Variants in SCHIP1 observed in about 807,000 individuals in gnomAD.
SCHIP1 encodes schwannomin-interacting protein 1.
SCHIP1 carries 8 observed loss-of-function variants against 29.7 expected under a neutral mutation model. The observed-to-expected ratio is 0.27, with a 90% CI of 0.16 to 0.49. The LOEUF (loss-of-function observed/expected upper bound fraction) is 0.49, where lower values mean the gene tolerates loss of function less well. Ranked by LOEUF, SCHIP1 falls within the 20% of genes least tolerant of loss-of-function variation. The pLI is 0.99. For synonymous variants in SCHIP1, 76 were observed against 94.9 expected (o/e 0.80, Z 1.16); for missense variants, 193 against 294.6 (o/e 0.66, Z 2.52).
At chr3:159,449,337 T>C in the SCHIP1 span, among the ~76,000 whole-genome samples, 28,406 of 151,980 alleles carry the variant, frequency 0.19, 2,850 homozygotes, top group South Asian at 0.33. Flanking sequence ...TGGCAATAAA[T>C]GCAGAAGAGG....
chr3:159,589,021 G>A, the SCHIP1 span, among the ~76,000 whole-genome samples: 2 of 152,164 alleles, frequency 1.3e-5, no homozygotes, highest in Non-Finnish European at 1.5e-5. Context: ...GTAGCTTGGT[G>A]GGGATGGTAC....
chr3:159,394,798 C>T, the SCHIP1 span, among the ~76,000 whole-genome samples: 4,132 of 152,012 alleles, frequency 0.027, 75 homozygotes, highest in East Asian at 0.11. Flanking sequence ...TGTCTCTGCC[C>T]GGCTTTGGTA....
At chr3:159,515,903 AT>A in the SCHIP1 span, among the ~76,000 whole-genome samples, 1 of 152,134 alleles carries the variant, frequency 6.6e-6, no homozygotes, top group Non-Finnish European at 1.5e-5. Context: ...GCAACAGAAA[AT>A]AAATAAGATA....
chr3:159,552,901 T>C, the SCHIP1 span, among the ~76,000 whole-genome samples: 1 of 152,172 alleles, frequency 6.6e-6, no homozygotes, highest in Non-Finnish European at 1.5e-5. Context: ...CTTTCAGCCA[T>C]GCCTATAATG....
the SCHIP1 span, among the ~76,000 whole-genome samples, chr3:159,732,764 T>A: frequency 2.4e-4 from 36 of 152,110 alleles, no homozygotes; most frequent in African/African-American, 8.7e-4. Context: ...TATAACCTGG[T>A]GAACCGCAAG....
chr3:159,566,536 T>C, the SCHIP1 span, among the ~76,000 whole-genome samples: 1 of 152,008 alleles, frequency 6.6e-6, no homozygotes, highest in African/African-American at 2.4e-5. Context: ...GAAAGTGAAA[T>C]TGGGAAGGGA....
the SCHIP1 span, among the ~76,000 whole-genome samples, chr3:159,646,916 G>C: frequency 6.6e-6 from 1 of 152,110 alleles, no homozygotes; most frequent in Non-Finnish European, 1.5e-5. Context: ...GGGGTACCTA[G>C]GCAGTGCACC....
chr3:159,500,504 G>A, the SCHIP1 span, among the ~76,000 whole-genome samples: 12 of 152,178 alleles, frequency 7.9e-5, no homozygotes, highest in Non-Finnish European at 1.5e-4. Context: ...ACGAGGTCAG[G>A]AGATCGAGAC....
In SCHIP1 at chr3:159,840,155, G is replaced by C. The variant is rs142410289; in HGVS notation, c.-30G>C. 4 of 1,535,282 alleles carry C rather than the reference G, an allele frequency of 2.6e-6. No individual in the cohort carries two copies. The African/African-American group carries it at 4.1e-5, about 16-fold the overall frequency. ...CCGCAGCCTCGCTCAGCAGTCCTGCGTTGGGGTCTGCGCCCTAGGATGCAC... is the reference window on the plus strand; with the variant it reads ...CCGCAGCCTCGCTCAGCAGTCCTGCCTTGGGGTCTGCGCCCTAGGATGCAC... On this transcript the variant is annotated 5_prime_UTR_variant, in exon 1 of 7. Coordinates refer to ENST00000445224, the Ensembl canonical transcript of SCHIP1.
At chr3:159,339,787 G>C in the SCHIP1 span, among the ~76,000 whole-genome samples, 2 of 152,186 alleles carry the variant, frequency 1.3e-5, no homozygotes, top group Admixed American at 1.3e-4. Flanking sequence ...ATCTGCCTGA[G>C]AGTGTATTTC....
chr3:159,520,295 T>C, the SCHIP1 span, among the ~76,000 whole-genome samples: 1 of 151,920 alleles, frequency 6.6e-6, no homozygotes, highest in Non-Finnish European at 1.5e-5. Context: ...TAGCAGCTAA[T>C]GGAGAAAAGG....
At chr3:159,828,365 A>ATATATATACACG in the SCHIP1 span, among the ~76,000 whole-genome samples, 5,365 of 121,492 alleles carry the variant, frequency 0.044, 737 homozygotes, top group African/African-American at 0.18. Context: ...TAACCTTTAT[A>ATATATATACACG]TATATATATA....
the SCHIP1 span, among the ~76,000 whole-genome samples, chr3:159,772,085 T>C: frequency 6.6e-6 from 1 of 152,156 alleles, no homozygotes; most frequent in Non-Finnish European, 1.5e-5. Flanking sequence ...GACAGAAATC[T>C]TACACCTGAC....
At chr3:159,717,337 CAA>C in the SCHIP1 span, among the ~76,000 whole-genome samples, 1 of 152,072 alleles carries the variant, frequency 6.6e-6, no homozygotes, top group Non-Finnish European at 1.5e-5. Context: ...GAAGCAAGAG[CAA>C]ACACATTCAA....
At chr3:159,688,780 C>T in the SCHIP1 span, among the ~76,000 whole-genome samples, 9 of 152,084 alleles carry the variant, frequency 5.9e-5, no homozygotes, top group East Asian at 1.2e-3. Context: ...TTGTATAAAG[C>T]GTAAGGAAAG....
At chr3:159,362,446 T>A in the SCHIP1 span, among the ~76,000 whole-genome samples, 9 of 152,198 alleles carry the variant, frequency 5.9e-5, no homozygotes, top group Non-Finnish European at 4.4e-5. Context: ...GTGTTTGGAT[T>A]ATTAAGTTGC....
chr3:159,305,418 C>A, the SCHIP1 span, among the ~76,000 whole-genome samples: 2 of 152,230 alleles, frequency 1.3e-5, no homozygotes, highest in Non-Finnish European at 2.9e-5. Flanking sequence ...CCACTCCATA[C>A]CTGTAAATTT....
At chr3:159,652,824 T>C in the SCHIP1 span, among the ~76,000 whole-genome samples, 5 of 152,322 alleles carry the variant, frequency 3.3e-5, no homozygotes, top group Admixed American at 3.3e-4. Context: ...TAATGATAAA[T>C]TATTCTCACT....
the SCHIP1 span, among the ~76,000 whole-genome samples, chr3:159,666,201 C>A: frequency 1.3e-5 from 2 of 152,192 alleles, no homozygotes; most frequent in Non-Finnish European, 2.9e-5. Flanking sequence ...AGGTTGCACA[C>A]TGAGCAACTC....
Sources: allele counts gnomAD v4.1 joint callset (sites outside exome capture counted in the v4.1 genomes callset), GRCh38; gene constraint gnomAD v4.1.1; transcripts MANE v1.5; gene names NCBI Gene and HGNC (gene_info 2026-07-23, HGNC 2026-07-21).